Variants in ULK4 observed in about 807,000 individuals in gnomAD.
ULK4 encodes unc-51 like kinase 4, also known as inactive serine/threonine-protein kinase ULK4.
ULK4 carries 133 observed loss-of-function variants against 160.6 expected under a neutral mutation model. That is an observed-to-expected ratio of 0.83 (90% CI 0.72 to 0.96). The LOEUF is 0.96. Among genes scored for constraint, ULK4 ranks in the 40% least tolerant of loss-of-function variants. The probability of loss-of-function intolerance (pLI) is 0.00; values close to 1 mark genes in which losing one functional copy is unlikely to be tolerated. For missense variants in ULK4, 1,580 were observed against 1,499.5 expected (o/e 1.05, Z -0.89); for synonymous variants, 534 against 539.8 (o/e 0.99, Z 0.15).
intron 32 of ULK4, among the ~76,000 whole-genome samples, chr3:41,565,006 A>G (rs1289873753): frequency 6.6e-6 from 1 of 152,224 alleles, no homozygotes; most frequent in Non-Finnish European, 1.5e-5. Flanking sequence ...CAATACTTCT[A>G]AGTTTAAATA....
chr3:41,406,510 G>A (rs1039442618), intron 34 of ULK4, among the ~76,000 whole-genome samples: 9 of 152,054 alleles, frequency 5.9e-5, no homozygotes, highest in African/African-American at 9.7e-5. Flanking sequence ...GAAAAATGTC[G>A]GTAGCTTGAT....
At chr3:41,849,359 T>A (rs2042149873) in intron 17 of ULK4, among the ~76,000 whole-genome samples, 1 of 152,140 alleles carries the variant, frequency 6.6e-6, no homozygotes, top group African/African-American at 2.4e-5. Flanking sequence ...ACGTCATGAA[T>A]CTGACACCAG....
At chr3:41,389,663 C>A (rs2081908995) in intron 35 of ULK4, among the ~76,000 whole-genome samples, 1 of 152,028 alleles carries the variant, frequency 6.6e-6, no homozygotes, top group Non-Finnish European at 1.5e-5. Context: ...TGTTTATATG[C>A]TGGATTATGT....
At chr3:41,415,287 T>C (rs1450517268) in intron 34 of ULK4, among the ~76,000 whole-genome samples, 1 of 152,306 alleles carries the variant, frequency 6.6e-6, no homozygotes, top group African/African-American at 2.4e-5. Flanking sequence ...CTGTCTTTTC[T>C]GCTCTCCCTA....
intron 29 of ULK4, among the ~76,000 whole-genome samples, chr3:41,669,726 AT>A (rs1257582558): frequency 7.2e-5 from 11 of 152,198 alleles, no homozygotes; most frequent in African/African-American, 2.7e-4. Flanking sequence ...TGTTTAAATG[AT>A]TTTTAGTACA....
chr3:41,469,627 A>AAAAAAAAAAAAAAAAAC (rs2083925323), intron 32 of ULK4, among the ~76,000 whole-genome samples: 1 of 142,898 alleles, frequency 7.0e-6, no homozygotes, highest in Non-Finnish European at 1.5e-5. Flanking sequence ...AAAAAAAAAA[A>AAAAAAAAAAAAAAAAAC]CACCTTAAAA....
At chr3:41,367,282 T>C (rs796243991) in intron 35 of ULK4, among the ~76,000 whole-genome samples, 1 of 152,206 alleles carries the variant, frequency 6.6e-6, no homozygotes, top group South Asian at 2.1e-4. Flanking sequence ...GGGGATCTTC[T>C]CCTAAGTAGA....
chr3:41,419,202 A>T (rs539950874), intron 34 of ULK4, among the ~76,000 whole-genome samples: 67 of 152,224 alleles, frequency 4.4e-4, no homozygotes, highest in African/African-American at 1.6e-3. Context: ...CTTTCATAAT[A>T]AAAATGTTGG....
intron 32 of ULK4, among the ~76,000 whole-genome samples, chr3:41,524,705 T>A (rs1197457951): frequency 1.3e-5 from 2 of 152,030 alleles, no homozygotes; most frequent in Non-Finnish European, 2.9e-5. Context: ...TTTGGGAGGC[T>A]GAGGTGGGCA....
intron 17 of ULK4, among the ~76,000 whole-genome samples, chr3:41,859,183 T>C (rs2042440130): frequency 6.6e-6 from 1 of 152,208 alleles, no homozygotes. Flanking sequence ...GAAAAAACAC[T>C]TCATTGTAGA....
chr3:41,394,405 T>G (rs1331036039), intron 35 of ULK4, among the ~76,000 whole-genome samples: 2 of 152,120 alleles, frequency 1.3e-5, no homozygotes, highest in Admixed American at 1.3e-4. Context: ...AATAAACCCA[T>G]CATAATGTAA....
intron 19 of ULK4, among the ~76,000 whole-genome samples, chr3:41,815,739 G>A (rs1296082931): frequency 5.9e-5 from 9 of 152,110 alleles, no homozygotes; most frequent in Admixed American, 5.2e-4. Flanking sequence ...ATTGGGTCTG[G>A]ATAAGGGATT....
intron 21 of ULK4, among the ~76,000 whole-genome samples, chr3:41,786,598 C>CAAAA (rs34207417): frequency 1.6e-5 from 1 of 64,128 alleles, no homozygotes; most frequent in African/African-American, 4.3e-5. Flanking sequence ...ATCCTGTCTC[C>CAAAA]AAAAAAAAAA....
rs1275807808 is a variant in ULK4 at position 41,334,252 on chromosome 3, T to C, written c.3678+63827A>G. ...ACCTATAGAAATCTTGTTGAAATTA[T>C]CTCTGCGAATTGGGTTGAGAGGCTG... On this transcript the variant is annotated intron_variant, in intron 35 of 36. Transcript: ENST00000301831. Among the ~76,000 whole-genome samples the C allele has an allele frequency of 2.6e-5, 4 of 152,290 alleles. No homozygotes were observed. In the East Asian group the frequency reaches 7.7e-4, roughly 29 times the overall value.
intron 31 of ULK4, among the ~76,000 whole-genome samples, chr3:41,575,713 T>C (rs536390963): frequency 1.3e-5 from 2 of 152,348 alleles, no homozygotes; most frequent in Admixed American, 6.5e-5. Context: ...ATGGTACCAT[T>C]TGCCAATCAG....
At position 41,663,639 on chromosome 3, in the gene ULK4, G is replaced by T; in HGVS notation, c.3039C>A (p.Val1013=). The T allele has an allele frequency of 1.2e-6, 2 of 1,613,896 alleles. No homozygotes were observed. The highest frequency in any genetic ancestry group is 1.7e-5 in the Admixed American group (1 of 60,026). Residue 1013 remains valine (V), a synonymous_variant, in exon 30 of 37, where the codon GTC becomes GTA. Transcript: ENST00000301831. ...AAGTTGGGTTGTGTTCAGTCATCGC[G>T]ACTAGCAGTTTCAGAGCATATGCTG... The part of the protein sequence containing the change: ...PVPAYALKLL[V]AMTEHNPTFT...
intron 27 of ULK4, among the ~76,000 whole-genome samples, chr3:41,701,506 C>T (rs1392192698): frequency 1.3e-5 from 2 of 152,074 alleles, no homozygotes; most frequent in Non-Finnish European, 2.9e-5. Context: ...GCAAAATATC[C>T]CTCAAGGAAG....
At chr3:41,764,541 G>C (rs757012633) in intron 21 of ULK4, among the ~76,000 whole-genome samples, 3 of 152,086 alleles carry the variant, frequency 2.0e-5, no homozygotes, top group Non-Finnish European at 4.4e-5. Context: ...GACTATCCTG[G>C]GCAACAGAGC....
chr3:41,262,567 G>T (rs1009598098), intron 35 of ULK4, among the ~76,000 whole-genome samples: 5 of 152,040 alleles, frequency 3.3e-5, no homozygotes, highest in African/African-American at 1.2e-4. Context: ...CACCTCTCTT[G>T]CCCAAACTCC....
Sources: allele counts gnomAD v4.1 joint callset (sites outside exome capture counted in the v4.1 genomes callset), GRCh38; gene constraint gnomAD v4.1.1; transcripts MANE v1.5; gene names NCBI Gene and HGNC (gene_info 2026-07-23, HGNC 2026-07-21).